Variants in COL4A3 observed in about 807,000 individuals in gnomAD.
The protein encoded by COL4A3 is collagen alpha-3(IV) chain.
COL4A3 carries 135 observed loss-of-function variants against 217.4 expected under a neutral mutation model. The observed-to-expected ratio is 0.62, with a 90% confidence interval of 0.54 to 0.72. The LOEUF is 0.72. COL4A3 is among the 30% of genes least tolerant of loss of function. The probability of loss-of-function intolerance (pLI) is 0.00; values close to 1 mark genes in which losing one functional copy is unlikely to be tolerated. For synonymous variants in COL4A3, 690 were observed against 736.3 expected (o/e 0.94, Z 1.02); for missense variants, 1,868 against 2,119.9 (o/e 0.88, Z 2.33).
chr2:227,188,355 T>C lies in COL4A3; in HGVS notation c.87+23542T>C, dbSNP rs1345153971. 3.9e-5 allele frequency among the ~76,000 whole-genome samples: 6 copies of C among 152,128 alleles called. No homozygotes were observed. The East Asian group carries it at 1.2e-3, about 29-fold the overall frequency. ...TTAGTCTGATCCGTTTATAAGCAGA[T>C]ATTTAACACTGAAAAAGGACCCCAA... On this transcript the variant is annotated intron_variant, in intron 1 of 51. Transcript: ENST00000396578.
At chr2:227,241,621 C>A (rs770960488) in intron 3 of COL4A3, among the ~76,000 whole-genome samples, 12 of 151,874 alleles carry the variant, frequency 7.9e-5, no homozygotes, top group Non-Finnish European at 1.3e-4. Flanking sequence ...CTGCAGTGAG[C>A]CATGATCATG....
intron 1 of COL4A3, among the ~76,000 whole-genome samples, chr2:227,222,762 CA>C (rs1025820639): frequency 1.3e-5 from 2 of 151,790 alleles, no homozygotes; most frequent in African/African-American, 2.4e-5. Flanking sequence ...GCCAAAAAAC[CA>C]TGTGGAAAAG....
At chr2:227,222,949 T>A (rs1264263788) in intron 1 of COL4A3, among the ~76,000 whole-genome samples, 1 of 152,242 alleles carries the variant, frequency 6.6e-6, no homozygotes, top group Non-Finnish European at 1.5e-5. Context: ...ATACTTTTAA[T>A]CAACCAAGTG....
At position 227,258,953 on chromosome 2, in the gene COL4A3, T is replaced by A. The variant is rs2070369740; in HGVS notation, c.1030-840T>A. Among the ~76,000 whole-genome samples the A allele has an allele frequency of 1.3e-5, 2 of 151,976 alleles. 1 individual carries two copies. Among genetic ancestry groups the A allele is most frequent in the Admixed American group, 1.3e-4 (2 of 15,232 alleles). Reference sequence around the variant, plus strand: ...TATTGCTTAACCACAAGACTCTTGTTAAATAAGTCAACAAAGTAATTGATC... The same window carrying A: ...TATTGCTTAACCACAAGACTCTTGTAAAATAAGTCAACAAAGTAATTGATC... On this transcript the variant is annotated intron_variant, in intron 18 of 51. Coordinates refer to ENST00000396578, the MANE Select transcript of COL4A3 (RefSeq NM_000091.5).
intron 17 of COL4A3, among the ~76,000 whole-genome samples, chr2:227,257,254 C>T (rs753675133): frequency 2.9e-4 from 44 of 152,138 alleles, no homozygotes; most frequent in Non-Finnish European, 6.2e-4. Flanking sequence ...AGCTGGGACA[C>T]TTGGAAATGC....
intron 43 of COL4A3, among the ~76,000 whole-genome samples, chr2:227,300,934 A>G (rs192039851): frequency 1.3e-5 from 2 of 151,922 alleles, no homozygotes; most frequent in Admixed American, 1.3e-4. Context: ...GAGCAAAATG[A>G]CAATGGGTGT....
At chr2:227,223,864 C>G (rs888744161) in intron 1 of COL4A3, among the ~76,000 whole-genome samples, 1 of 152,194 alleles carries the variant, frequency 6.6e-6, no homozygotes, top group Non-Finnish European at 1.5e-5. Flanking sequence ...TAGATAGTGT[C>G]TATTGTCCTC....
intron 28 of COL4A3, among the ~76,000 whole-genome samples, chr2:227,278,900 T>G (rs915463441): frequency 6.6e-6 from 1 of 152,172 alleles, no homozygotes; most frequent in African/African-American, 2.4e-5. Context: ...TCACCGTGGC[T>G]TCCTCTTCTG....
At chr2:227,296,923 C>T (rs1187634464) in intron 41 of COL4A3, among the ~76,000 whole-genome samples, 1 of 152,186 alleles carries the variant, frequency 6.6e-6, no homozygotes, top group Non-Finnish European at 1.5e-5. Context: ...GCTAGAATAA[C>T]ACAGAGATGG....
At position 227,283,835 on chromosome 2, in the gene COL4A3, C is replaced by T; in HGVS notation, c.2725C>T (p.Pro909Ser). Residue 909 changes from proline to serine, a missense_variant, in exon 33 of 52, where the codon CCA (proline) becomes TCA (serine). Transcript: ENST00000396578. ...AIGPPGPPGNPGTPGQRGSPG... is the reference protein window; with the variant it reads ...AIGPPGPPGNSGTPGQRGSPG... ...TGGCCCTCCAGGGCCCCCTGGGAACCCAGGCACACCAGGGCAGAGGGGTAA... is the reference window on the plus strand; with the variant it reads ...TGGCCCTCCAGGGCCCCCTGGGAACTCAGGCACACCAGGGCAGAGGGGTAA... 1 of 1,613,872 alleles carries T rather than the reference C, an allele frequency of 6.2e-7. No individual in the cohort carries two copies. Among genetic ancestry groups the T allele is most frequent in the Non-Finnish European group, 8.5e-7 (1 of 1,179,796 alleles).
At chr2:227,180,570 A>G (rs531568817) in intron 1 of COL4A3, among the ~76,000 whole-genome samples, 98 of 152,218 alleles carry the variant, frequency 6.4e-4, no homozygotes, top group Non-Finnish European at 1.1e-3. Flanking sequence ...GGCAGCAGTA[A>G]GAACCCTTCA....
intron 1 of COL4A3, among the ~76,000 whole-genome samples, chr2:227,172,008 C>T (rs953967837): frequency 1.3e-5 from 2 of 152,154 alleles, no homozygotes; most frequent in Non-Finnish European, 2.9e-5. Flanking sequence ...GGGGAGCATG[C>T]GCAGTGTGTT....
At chr2:227,234,960 G>A (rs60786323) in intron 1 of COL4A3, among the ~76,000 whole-genome samples, 16,179 of 152,170 alleles carry the variant, frequency 0.11, 991 homozygotes, top group East Asian at 0.28. Flanking sequence ...GGTGATCATT[G>A]CCCATTTGAA....
At chr2:227,220,939 G>A (rs1365006753) in intron 1 of COL4A3, 5 of 152,158 alleles carry the variant, frequency 3.3e-5, no homozygotes, top group African/African-American at 9.7e-5. Context: ...TTATGTGTCA[G>A]TGGAGAGTCC....
chr2:227,250,684 G>A lies in COL4A3; in HGVS notation c.547-456G>A, dbSNP rs2069688671. Among the ~76,000 whole-genome samples, 1 of 152,186 alleles carries A rather than the reference G, an allele frequency of 6.6e-6. No individual in the cohort carries two copies. Among genetic ancestry groups the A allele is most frequent in the Admixed American group, 6.5e-5 (1 of 15,278 alleles). ...GGTTGGAAGGTGGGTTACAACTTTG[G>A]ATAAGCAGGAAGGCTTTATGGAAAG... is the stretch of plus-strand genomic sequence containing the variant. On this transcript the variant is annotated intron_variant, in intron 9 of 51. Transcript: ENST00000396578. The surrounding 1 kb of genome is among the most constrained non-coding windows in gnomAD (Gnocchi z 4.1).
rs56065709 is a variant in COL4A3, at chr2:227,302,677, CAAAAAAAAAAA to C, written c.3883-342_3883-332del. ...GGAGGACAAAACGAGACTCTTTCTCCAAAAAAAAAAAAAAAAAAAAAAAAAAAAATCATTCT... is the reference window on the plus strand; with the variant it reads ...GGAGGACAAAACGAGACTCTTTCTCCAAAAAAAAAAAAAAAAAATCATTCT... On this transcript the variant is annotated intron_variant, in intron 43 of 51. Coordinates refer to ENST00000396578, the MANE Select transcript of COL4A3 (RefSeq NM_000091.5). 2.6e-4 allele frequency among the ~76,000 whole-genome samples: 21 copies of C among 79,914 alleles called. 1 individual carries two copies. The highest frequency in any genetic ancestry group is 7.0e-3 in the Middle Eastern group (1 of 142). 52.4% of individuals were successfully genotyped at this position (79,914 alleles called of 152,430 possible). A position where few individuals can be genotyped will look rare whatever the true frequency, so the allele number is the denominator to read the frequency against.
At chr2:227,257,758 A>C in intron 18 of COL4A3, 114 bp downstream of exon 18, 2 of 985,836 alleles carry the variant, frequency 2.0e-6, no homozygotes, top group South Asian at 2.6e-5. Context: ...TATAACATTT[A>C]CCTTGTTGTC....
chr2:227,170,633 T>C (rs1368592521), intron 1 of COL4A3, among the ~76,000 whole-genome samples: 1 of 151,658 alleles, frequency 6.6e-6, no homozygotes, highest in Non-Finnish European at 1.5e-5. Flanking sequence ...GGAGCTACAA[T>C]TCAAGATGAG....
chr2:227,218,737 A>T (rs1170131447), intron 1 of COL4A3, among the ~76,000 whole-genome samples: 1 of 152,226 alleles, frequency 6.6e-6, no homozygotes, highest in Admixed American at 6.5e-5. Flanking sequence ...GTGGAAATAG[A>T]ATCATCTTGG....
Sources: gnomAD v4.1 joint callset for allele counts (sites outside exome capture counted in the v4.1 genomes callset) on GRCh38, gnomAD v4.1.1 for gene constraint, Gnocchi (gnomAD v3.1) non-coding constraint, MANE v1.5 for transcripts, NCBI Gene and HGNC (gene_info 2026-07-23, HGNC 2026-07-21) for gene names.